The following SDF4 variants were observed in gnomAD, a reference collection of about 807,000 sequenced individuals.
SDF4 encodes the protein 45 kDa calcium-binding protein.
A neutral mutation model predicts 34.2 loss-of-function variants in SDF4; 22 were observed. That is an observed-to-expected ratio of 0.64 (90% CI 0.46 to 0.92). The LOEUF (loss-of-function observed/expected upper bound fraction) is 0.92, where lower values mean the gene tolerates loss of function less well. Ranked by LOEUF, SDF4 falls within the 40% of genes least tolerant of loss-of-function variation. SDF4 has a pLI of 0.00. For synonymous variants in SDF4, 236 were observed against 203.1 expected, an observed-to-expected ratio of 1.16 and a Z score of -1.38; for missense variants, 447 against 499.9, an observed-to-expected ratio of 0.89 and a Z score of 1.01.
Position 1,223,899 on chromosome 1 carries a change from G to A in SDF4, c.375C>T (p.Ala125=), listed in dbSNP as rs375452549. 41 of 1,610,224 alleles carry A rather than the reference G, an allele frequency of 2.5e-5. No individual in the cohort carries two copies. The highest frequency in any genetic ancestry group is 3.2e-5 in the Non-Finnish European group (38 of 1,179,738). Reference sequence around the variant, plus strand: ...CCTCCATGGCCTCCTGGAAGTGCTCGGCCGTCTTCTCCATGATCCAGCGCT... The same window carrying A: ...CCTCCATGGCCTCCTGGAAGTGCTCAGCCGTCTTCTCCATGATCCAGCGCT... ...EMQRWIMEKT[A]EHFQEAMEES... is the part of the protein sequence containing the mutation. The change falls in exon 3 of 7, where the codon GCC becomes GCT. Residue 125 remains alanine (A), a synonymous_variant. Coordinates refer to ENST00000360001, the MANE Select transcript of SDF4 (RefSeq NM_016176.6).
At chr1:1,228,433 A>T in intron 2 of SDF4, 35 bp downstream of exon 2, 9 of 1,564,506 alleles carry the variant, frequency 5.8e-6, no homozygotes, top group Non-Finnish European at 7.8e-6. Flanking sequence ...GCGCACGCGG[A>T]CAGCCCCCCA....
chr1:1,231,340 T>C (rs554951367), intron 1 of SDF4, among the ~76,000 whole-genome samples: 1 of 152,368 alleles, frequency 6.6e-6, no homozygotes, highest in South Asian at 2.1e-4. Flanking sequence ...AGAGACGCTA[T>C]TTCTTTGCCA....
intron 4 of SDF4, among the ~76,000 whole-genome samples, chr1:1,221,684 G>C (rs781501719): frequency 6.6e-6 from 1 of 152,200 alleles, no homozygotes; most frequent in Non-Finnish European, 1.5e-5. Flanking sequence ...GCTAAGACTA[G>C]GCGCAGTGGC....
At chr1:1,229,676 C>T (rs1414810518) in intron 1 of SDF4, among the ~76,000 whole-genome samples, 1 of 152,200 alleles carries the variant, frequency 6.6e-6, no homozygotes, top group African/African-American at 2.4e-5. Context: ...TGCCACTGAC[C>T]CATGGGGTTA....
Position 1,218,602 on chromosome 1 carries a change from G to A in SDF4, c.747C>T (p.Pro249=), listed in dbSNP as rs201502490. The change falls in exon 6 of 7, where the codon CCC becomes CCT. Residue 249 remains proline, a synonymous_variant. Transcript: ENST00000360001. The surrounding 1 kb of genome is among the most constrained non-coding windows in gnomAD (Gnocchi z 7.9). The part of the protein sequence containing the change: ...DQDGDKQLSV[P]EFISLPVGTV... ...TGCCCACGGGCAGGGAGATGAACTCGGGCACAGAGAGCTGCTTGTCACCGT... is the reference window on the plus strand; with the variant it reads ...TGCCCACGGGCAGGGAGATGAACTCAGGCACAGAGAGCTGCTTGTCACCGT... 5.0e-6 allele frequency: 8 copies of A among 1,613,914 alleles called. No homozygotes were observed. In the East Asian group the frequency reaches 8.9e-5, roughly 18 times the overall value.
Position 1,218,932 on chromosome 1 carries a change from G to C in SDF4, c.557-5C>G. 1 of 1,609,748 alleles carries C rather than the reference G, an allele frequency of 6.2e-7. No individual in the cohort carries two copies. Among genetic ancestry groups the C allele is most frequent in the Non-Finnish European group, 8.5e-7 (1 of 1,178,178 alleles). On this transcript the variant is annotated splice_polypyrimidine_tract_variant and splice_region_variant and intron_variant, in intron 4 of 6. Transcript: ENST00000360001. This position sits in a 1 kb window ranked among gnomAD's most constrained non-coding sequence, Gnocchi z 7.9. ...GGTTCTCCAGGACTTCCTGTGCTGA[G>C]AGGGGCGCAGCCTGTGGGTATCGAG...
Position 1,218,703 on chromosome 1 carries a change from C to G in SDF4, c.715+66G>C, listed in dbSNP as rs148403132. On this transcript the variant is annotated intron_variant, in intron 5 of 6. Transcript: ENST00000360001. This position sits in a 1 kb window ranked among gnomAD's most constrained non-coding sequence, Gnocchi z 7.9. ...CGCAGGACCTGCCCCGACCTCCCGA[C>G]GATGCCCGGCCCCTGCCAGTCGGTC... is the stretch of plus-strand genomic sequence containing the variant. 16,490 of 1,611,340 alleles carry G rather than the reference C, an allele frequency of 0.01. 130 individuals are homozygous for G. The highest frequency in any genetic ancestry group is 0.012 in the Non-Finnish European group (13,570 of 1,178,572).
chr1:1,222,382 C>T (rs1650018435), intron 4 of SDF4, among the ~76,000 whole-genome samples: 1 of 152,124 alleles, frequency 6.6e-6, no homozygotes, highest in African/African-American at 2.4e-5. Context: ...CCGGGCCCCA[C>T]CCGGCCCCAC....
chr1:1,228,712 C>T lies in SDF4; in HGVS notation c.61G>A (p.Ala21Thr), dbSNP rs781099085. Residue 21 changes from alanine to threonine, a missense_variant, in exon 2 of 7, where the codon GCA (alanine) becomes ACA (threonine). Ala to Thr is a moderately conservative substitution (Grantham distance 58). Coordinates refer to ENST00000360001, the MANE Select transcript of SDF4 (RefSeq NM_016176.6). ...LAPCCLWLLG[A>T]VLLMDASARP... ...GCAGACGCGTCCATCAGAAGGACTG[C>T]CCCCAGGAGCCAGAGGCAGCACGGA... The T allele has an allele frequency of 1.9e-6, 3 of 1,612,836 alleles. No individual in the cohort carries two copies. In the South Asian group the frequency reaches 3.3e-5, roughly 18 times the overall value.
At chr1:1,220,025 GGGAT>G (rs1185539466) in intron 4 of SDF4, 5 of 985,682 alleles carry the variant, frequency 5.1e-6, no homozygotes, top group Non-Finnish European at 6.0e-6. Flanking sequence ...CGCAGCTCCT[GGGAT>G]GGATGGACGG....
chr1:1,219,636 G>A (rs895985496), intron 4 of SDF4: 17 of 985,862 alleles, frequency 1.7e-5, no homozygotes, highest in Non-Finnish European at 1.9e-5. Context: ...TGTGGCCCCC[G>A]CTCTCCTGCC....
Position 1,218,380 on chromosome 1 carries a change from C to G in SDF4, c.891+78G>C. The G allele has an allele frequency of 6.7e-7, 1 of 1,485,422 alleles. No homozygotes were observed. The highest frequency in any genetic ancestry group is 9.1e-7 in the Non-Finnish European group (1 of 1,099,824). 92.0% of individuals were successfully genotyped at this position (1,485,422 alleles called of 1,614,324 possible). ...CAGACACCAGCACAGCTTCCTGCCT[C>G]AGGCCCAGATCCACCAGCCCCTCCC... is the stretch of plus-strand genomic sequence containing the variant. On this transcript the variant is annotated intron_variant, in intron 6 of 6. Transcript: ENST00000360001. The surrounding 1 kb of genome is among the most constrained non-coding windows in gnomAD (Gnocchi z 7.9).
At chr1:1,223,393 T>C (rs1327626160) in intron 3 of SDF4, 36 bp from the exon 4 acceptor site, 1 of 1,421,636 alleles carries the variant, frequency 7.0e-7, no homozygotes, top group Non-Finnish European at 9.8e-7. Flanking sequence ...GGGCCTCTGA[T>C]ACTGAGCTGA....
chr1:1,218,907 G>T lies in SDF4; in HGVS notation c.577C>A (p.Leu193Met). The change falls in exon 5 of 7, where the codon CTG (leucine) becomes ATG (methionine). Residue 193 changes from leucine (L) to methionine (M), a missense_variant. Coordinates refer to ENST00000360001, the MANE Select transcript of SDF4 (RefSeq NM_016176.6). The surrounding 1 kb of genome is among the most constrained non-coding windows in gnomAD (Gnocchi z 7.9). ...TCCGCCTGGTACCAGCGGTCCTTCA[G>T]GTTCTCCAGGACTTCCTGTGCTGAG... ...DEETQEVLEN[L>M]KDRWYQADSP... 1.9e-6 allele frequency: 3 copies of T among 1,602,372 alleles called. No homozygotes were observed. Among genetic ancestry groups the T allele is most frequent in the Non-Finnish European group, 2.6e-6 (3 of 1,172,772 alleles).
At chr1:1,228,328 C>A (rs111374773) in intron 2 of SDF4, 140 bp downstream of exon 2, 10 of 935,654 alleles carry the variant, frequency 1.1e-5, no homozygotes, top group Non-Finnish European at 1.4e-5. Context: ...CTGGAAGTGG[C>A]GCTCATCACC....
chr1:1,223,688 C>T, intron 3 of SDF4, 144 bp downstream of exon 3: 1 of 802,450 alleles, frequency 1.2e-6, no homozygotes, highest in South Asian at 1.7e-5. Context: ...TCCGTGCACC[C>T]CACCACACCT....
rs757831731 is a variant in SDF4 at position 1,218,626 on chromosome 1, G to A, written c.723C>T (p.Asp241=). ...VKEIVRDLDQ[D]GDKQLSVPEF... ...CGGGCACAGAGAGCTGCTTGTCACC[G>A]TCCTGGTCTGCGAGACGGGAATGGG... Residue 241 remains aspartate, a synonymous_variant, in exon 6 of 7, where the codon GAC becomes GAT. Coordinates refer to ENST00000360001, the MANE Select transcript of SDF4 (RefSeq NM_016176.6). The surrounding 1 kb of genome is among the most constrained non-coding windows in gnomAD (Gnocchi z 7.9). 29 of 1,613,720 alleles carry A rather than the reference G, an allele frequency of 1.8e-5. No homozygotes were observed. The highest frequency in any genetic ancestry group is 2.7e-5 in the African/African-American group (2 of 74,932).
intron 4 of SDF4, among the ~76,000 whole-genome samples, chr1:1,221,736 G>A (rs1286155231): frequency 1.3e-5 from 2 of 152,132 alleles, no homozygotes; most frequent in East Asian, 1.9e-4. Flanking sequence ...TGCAGTAGGC[G>A]GATGACTTAA....
chr1:1,227,580 C>G (rs894240674), intron 2 of SDF4, among the ~76,000 whole-genome samples: 1 of 152,206 alleles, frequency 6.6e-6, no homozygotes, highest in African/African-American at 2.4e-5. Context: ...CGGCTCCCTG[C>G]CCGGCACCCT....
Sources: gnomAD v4.1 joint callset for allele counts (sites outside exome capture counted in the v4.1 genomes callset) on GRCh38, gnomAD v4.1.1 for gene constraint, Gnocchi (gnomAD v3.1) non-coding constraint, MANE v1.5 for transcripts, NCBI Gene and HGNC (gene_info 2026-07-23, HGNC 2026-07-21) for gene names.